Variants in IMMP2L observed in about 807,000 individuals in gnomAD.
The protein encoded by IMMP2L is mitochondrial inner membrane protease subunit 2.
A neutral mutation model predicts 19.3 loss-of-function variants in IMMP2L; 18 were observed. That is an observed-to-expected ratio of 0.93 (90% CI 0.64 to 1.38). IMMP2L has a LOEUF of 1.38. Ranked by LOEUF, IMMP2L falls within the 40% of genes most tolerant of loss-of-function variation. The pLI is 0.00. For missense variants in IMMP2L, 233 were observed against 218.2 expected, an observed-to-expected ratio of 1.07 and a Z score of -0.43; for synonymous variants, 76 against 73.0, an observed-to-expected ratio of 1.04 and a Z score of -0.21.
At chr7:111,489,413 G>A (rs150862233) in intron 2 of IMMP2L, among the ~76,000 whole-genome samples, 231 of 152,110 alleles carry the variant, frequency 1.5e-3, no homozygotes, top group African/African-American at 4.5e-3. Context: ...ATGCTACCAT[G>A]GGAAGTGGCC....
chr7:111,173,809 A>AATATG (rs1427283405), intron 3 of IMMP2L, among the ~76,000 whole-genome samples: 5 of 151,402 alleles, frequency 3.3e-5, no homozygotes, highest in Non-Finnish European at 1.5e-5. Context: ...GAAAATGTAG[A>AATATG]TAAAATATGA....
chr7:111,282,516 A>G (rs879507806), intron 3 of IMMP2L, among the ~76,000 whole-genome samples: 1 of 152,162 alleles, frequency 6.6e-6, no homozygotes, highest in African/African-American at 2.4e-5. Context: ...TGAAATAAAA[A>G]CTGACAGAAA....
chr7:111,192,935 A>G (rs1341776316), intron 3 of IMMP2L, among the ~76,000 whole-genome samples: 1 of 151,892 alleles, frequency 6.6e-6, no homozygotes, highest in Non-Finnish European at 1.5e-5. Context: ...TTGTACAGTG[A>G]TCAAGCCCCT....
intron 3 of IMMP2L, among the ~76,000 whole-genome samples, chr7:111,110,736 T>C (rs576674966): frequency 6.6e-6 from 1 of 152,298 alleles, no homozygotes; most frequent in East Asian, 1.9e-4. Context: ...ATTTCTGCAG[T>C]AGACATTACT....
chr7:111,228,263 G>A (rs1813323167), intron 3 of IMMP2L, among the ~76,000 whole-genome samples: 1 of 152,014 alleles, frequency 6.6e-6, no homozygotes, highest in Non-Finnish European at 1.5e-5. Context: ...CTGTCAAGGT[G>A]GGGACAGGAG....
intron 1 of IMMP2L, among the ~76,000 whole-genome samples, chr7:111,561,215 C>T (rs543046534): frequency 6.6e-6 from 1 of 152,200 alleles, no homozygotes; most frequent in African/African-American, 2.4e-5. Flanking sequence ...CTTCAGTGTC[C>T]TTTTTGGCAA....
At chr7:111,368,733 A>C (rs1830014242) in intron 3 of IMMP2L, among the ~76,000 whole-genome samples, 1 of 151,980 alleles carries the variant, frequency 6.6e-6, no homozygotes, top group Admixed American at 6.6e-5. Flanking sequence ...CTGTAAAATA[A>C]AATATAAAAG....
At chr7:111,029,047 C>T (rs567727857) in intron 3 of IMMP2L, among the ~76,000 whole-genome samples, 3 of 152,070 alleles carry the variant, frequency 2.0e-5, no homozygotes, top group Non-Finnish European at 4.4e-5. Flanking sequence ...AAAAATATTG[C>T]AGAAACTATC....
At chr7:110,864,501 A>G (rs1354811865) in intron 5 of IMMP2L, among the ~76,000 whole-genome samples, 1 of 152,122 alleles carries the variant, frequency 6.6e-6, no homozygotes, top group African/African-American at 2.4e-5. Flanking sequence ...AATAATCACA[A>G]CTAATGTTCC....
At chr7:111,002,991 T>C (rs554222873) in intron 3 of IMMP2L, among the ~76,000 whole-genome samples, 2 of 152,322 alleles carry the variant, frequency 1.3e-5, no homozygotes, top group East Asian at 1.9e-4. Context: ...TGCTTCCTTA[T>C]ATGTTCTCTG....
chr7:110,896,476 A>ATC (rs1811331538), intron 4 of IMMP2L, among the ~76,000 whole-genome samples: 1 of 89,314 alleles, frequency 1.1e-5, no homozygotes, highest in African/African-American at 7.5e-5. Context: ...TTTTCAAAAA[A>ATC]AATATTTATC....
chr7:111,292,163 G>A (rs1226015210), intron 3 of IMMP2L, among the ~76,000 whole-genome samples: 2 of 152,124 alleles, frequency 1.3e-5, no homozygotes, highest in Non-Finnish European at 2.9e-5. Context: ...TGATTTCACT[G>A]AACTTGAAGA....
At chr7:110,912,711 A>G (rs1040889882) in intron 4 of IMMP2L, among the ~76,000 whole-genome samples, 2 of 152,052 alleles carry the variant, frequency 1.3e-5, no homozygotes, top group Non-Finnish European at 2.9e-5. Flanking sequence ...AAGAAAGCAA[A>G]CACAAAGTTT....
chr7:110,733,709 G>C (rs1796429279), intron 5 of IMMP2L, among the ~76,000 whole-genome samples: 1 of 152,112 alleles, frequency 6.6e-6, no homozygotes, highest in Admixed American at 6.5e-5. Flanking sequence ...TTTAGTATGT[G>C]ATTAAATTGT....
At chr7:110,754,449 C>A (rs970289699) in intron 5 of IMMP2L, among the ~76,000 whole-genome samples, 2 of 152,048 alleles carry the variant, frequency 1.3e-5, no homozygotes, top group African/African-American at 4.8e-5. Flanking sequence ...CTTTACTCAG[C>A]AGCTATCTCT....
intron 1 of IMMP2L, among the ~76,000 whole-genome samples, chr7:111,541,924 G>A (rs1370858315): frequency 2.0e-5 from 3 of 151,986 alleles, no homozygotes; most frequent in African/African-American, 7.2e-5. Flanking sequence ...TACATGTTAA[G>A]CAAAACCAGC....
chr7:110,816,313 G>T (rs1302383185), intron 5 of IMMP2L, among the ~76,000 whole-genome samples: 2 of 152,088 alleles, frequency 1.3e-5, no homozygotes, highest in African/African-American at 4.8e-5. Context: ...TAGTTTGATT[G>T]CACTGTGGTC....
intron 4 of IMMP2L, among the ~76,000 whole-genome samples, chr7:110,938,323 T>C (rs1375189776): frequency 6.6e-6 from 1 of 152,132 alleles, no homozygotes; most frequent in Non-Finnish European, 1.5e-5. Flanking sequence ...AAATTCAGTC[T>C]AGTTGGGAGG....
intron 3 of IMMP2L, among the ~76,000 whole-genome samples, chr7:111,167,463 A>C (rs1805949670): frequency 6.6e-6 from 1 of 151,940 alleles, no homozygotes. Flanking sequence ...TTTTCAGCAT[A>C]CTTCAAGCTC....
Sources: allele counts gnomAD v4.1 joint callset (sites outside exome capture counted in the v4.1 genomes callset), GRCh38; gene constraint gnomAD v4.1.1; transcripts MANE v1.5; gene names NCBI Gene and HGNC (gene_info 2026-07-23, HGNC 2026-07-21).